The following SHISA6 variants were observed in gnomAD, a reference collection of about 807,000 sequenced individuals.
SHISA6 encodes the protein shisa family member 6, also known as protein shisa-6.
SHISA6 carries 22 observed loss-of-function variants against 47.9 expected under a neutral mutation model. The observed-to-expected ratio is 0.46, with a 90% CI of 0.33 to 0.66. The LOEUF (loss-of-function observed/expected upper bound fraction) is 0.66, where lower values mean the gene tolerates loss of function less well. Among genes scored for constraint, SHISA6 ranks in the 30% least tolerant of loss-of-function variants. The probability of loss-of-function intolerance (pLI) is 0.02; values close to 1 mark genes in which losing one functional copy is unlikely to be tolerated. For missense variants in SHISA6, 680 were observed against 764.6 expected (o/e 0.89, Z 1.30); for synonymous variants, 388 against 337.8 (o/e 1.15, Z -1.63).
chr17:11,371,473 G>A (rs970516886), intron 2 of SHISA6, among the ~76,000 whole-genome samples: 4 of 152,100 alleles, frequency 2.6e-5, no homozygotes, highest in Non-Finnish European at 4.4e-5. Flanking sequence ...GAAAACTGTG[G>A]TCTTAATGCA....
intron 3 of SHISA6, among the ~76,000 whole-genome samples, chr17:11,539,711 C>T (rs2071817197): frequency 6.6e-6 from 1 of 152,206 alleles, no homozygotes. Flanking sequence ...TGCAAACAGC[C>T]TTGGAGCTCA....
At chr17:11,314,298 AT>A (rs1366559334) in intron 2 of SHISA6, among the ~76,000 whole-genome samples, 1 of 151,952 alleles carries the variant, frequency 6.6e-6, no homozygotes, top group Non-Finnish European at 1.5e-5. Flanking sequence ...GGTGCTGAGT[AT>A]TTTTTTGTCA....
At chr17:11,539,626 G>A (rs2071816532) in intron 3 of SHISA6, among the ~76,000 whole-genome samples, 1 of 152,230 alleles carries the variant, frequency 6.6e-6, no homozygotes, top group Admixed American at 6.5e-5. Flanking sequence ...CTGCTTCTAG[G>A]AGACCTGCTA....
chr17:11,552,944 G>A (rs543132357), intron 4 of SHISA6, among the ~76,000 whole-genome samples: 2 of 152,292 alleles, frequency 1.3e-5, no homozygotes, highest in African/African-American at 2.4e-5. Flanking sequence ...AAGAAAGGAC[G>A]GTTGAGATAT....
intron 3 of SHISA6, among the ~76,000 whole-genome samples, chr17:11,538,597 C>T (rs2071807127): frequency 6.6e-6 from 1 of 152,164 alleles, no homozygotes; most frequent in Admixed American, 6.5e-5. Flanking sequence ...AAGTGTGGGC[C>T]AGTTTCCAGC....
intron 3 of SHISA6, among the ~76,000 whole-genome samples, chr17:11,405,372 C>T (rs2142267612): frequency 6.6e-6 from 1 of 151,048 alleles, no homozygotes. Flanking sequence ...TATGGTTCTC[C>T]ATCCCAGCTA....
intron 2 of SHISA6, among the ~76,000 whole-genome samples, chr17:11,358,054 A>T (rs1912131991): frequency 6.6e-6 from 1 of 152,190 alleles, no homozygotes; most frequent in African/African-American, 2.4e-5. Context: ...ACATAACATA[A>T]AATTTACCAT....
At chr17:11,432,242 T>A (rs1323155494) in intron 3 of SHISA6, among the ~76,000 whole-genome samples, 5 of 152,176 alleles carry the variant, frequency 3.3e-5, no homozygotes, top group African/African-American at 9.7e-5. Context: ...ATAGGATGGG[T>A]TCTGCTGTTG....
chr17:11,293,876 G>A (rs1909640359), intron 2 of SHISA6, among the ~76,000 whole-genome samples: 1 of 152,032 alleles, frequency 6.6e-6, no homozygotes, highest in East Asian at 1.9e-4. Flanking sequence ...AATATCCTTG[G>A]TGTTATTTTT....
chr17:11,288,411 A>G (rs1909399259), intron 2 of SHISA6: 1 of 152,170 alleles, frequency 6.6e-6, no homozygotes, highest in African/African-American at 2.4e-5. Flanking sequence ...ATAATTGTAA[A>G]TAAGATCACT....
intron 2 of SHISA6, among the ~76,000 whole-genome samples, chr17:11,283,510 A>G (rs1909193964): frequency 6.6e-6 from 1 of 152,226 alleles, no homozygotes; most frequent in Admixed American, 6.5e-5. Flanking sequence ...CTAAAGCCTC[A>G]TGTTGAATAA....
At chr17:11,328,889 T>A (rs1597460566) in intron 2 of SHISA6, among the ~76,000 whole-genome samples, 6 of 151,814 alleles carry the variant, frequency 4.0e-5, no homozygotes, top group Admixed American at 3.9e-4. Context: ...AGGGAGGGAG[T>A]GTGCTGTGGG....
At chr17:11,334,388 T>A (rs74347237) in intron 2 of SHISA6, among the ~76,000 whole-genome samples, 141 of 152,230 alleles carry the variant, frequency 9.3e-4, no homozygotes, top group African/African-American at 2.4e-3. Context: ...TTTTTGAGAG[T>A]GCTTGAGAAA....
intron 3 of SHISA6, among the ~76,000 whole-genome samples, chr17:11,393,079 G>C (rs1451352786): frequency 6.6e-6 from 1 of 152,182 alleles, no homozygotes; most frequent in Non-Finnish European, 1.5e-5. Context: ...CTTTTCTTTA[G>C]ATATGAGACA....
chr17:11,548,280 A>G (rs1199534607), intron 3 of SHISA6, among the ~76,000 whole-genome samples: 4 of 152,178 alleles, frequency 2.6e-5, no homozygotes, highest in Non-Finnish European at 4.4e-5. Flanking sequence ...TTATTGTTGC[A>G]TTCCTCCGAA....
At chr17:11,332,235 G>A (rs911228846) in intron 2 of SHISA6, among the ~76,000 whole-genome samples, 3 of 39,430 alleles carry the variant, frequency 7.6e-5, no homozygotes, top group African/African-American at 2.0e-4. Flanking sequence ...AGAAGCGCCA[G>A]CGTTGGGGAA....
intron 2 of SHISA6, among the ~76,000 whole-genome samples, chr17:11,342,766 G>T (rs1047552500): frequency 2.0e-5 from 3 of 152,226 alleles, no homozygotes; most frequent in African/African-American, 7.2e-5. Context: ...CCACAGGCAA[G>T]GTCCTCATAC....
intron 3 of SHISA6, among the ~76,000 whole-genome samples, chr17:11,521,476 T>C (rs1314699972): frequency 1.3e-5 from 2 of 152,174 alleles, no homozygotes; most frequent in Middle Eastern, 3.4e-3. Flanking sequence ...TGGCCACCTA[T>C]CAAATACTAG....
At chr17:11,268,744 TG>T (rs1265338255) in intron 2 of SHISA6, among the ~76,000 whole-genome samples, 6 of 152,232 alleles carry the variant, frequency 3.9e-5, no homozygotes, top group Admixed American at 2.0e-4. Flanking sequence ...CCTATCATTG[TG>T]GTATCCTAGG....
Sources: gnomAD v4.1 joint callset for allele counts (sites outside exome capture counted in the v4.1 genomes callset) on GRCh38, gnomAD v4.1.1 for gene constraint, MANE v1.5 for transcripts, NCBI Gene and HGNC (gene_info 2026-07-23, HGNC 2026-07-21) for gene names.